Variants in ST7 observed in about 807,000 individuals in gnomAD.
ST7 encodes suppressor of tumorigenicity 7 protein.
In ST7, 28 loss-of-function variants were observed where a neutral mutation model predicts 78.7. That is an observed-to-expected ratio of 0.36 (90% CI 0.26 to 0.49). The LOEUF is 0.49. ST7 is among the 20% of genes least tolerant of loss of function. The pLI is 0.99. For missense variants in ST7, 418 were observed against 696.0 expected (o/e 0.60, Z 4.49); for synonymous variants, 247 against 249.6 (o/e 0.99, Z 0.10).
At chr7:117,176,764 T>C (rs956754372) in intron 10 of ST7, among the ~76,000 whole-genome samples, 3 of 152,186 alleles carry the variant, frequency 2.0e-5, no homozygotes, top group Non-Finnish European at 4.4e-5. Flanking sequence ...TGTCAGTATG[T>C]CCATACTTCC....
At chr7:117,191,040 G>A in intron 12 of ST7, 104 bp downstream of exon 12, 1 of 904,670 alleles carries the variant, frequency 1.1e-6, no homozygotes. Context: ...AAAATGAATT[G>A]CAACCAACAA....
chr7:117,202,460 C>T (rs949365518), intron 12 of ST7, among the ~76,000 whole-genome samples: 1 of 152,174 alleles, frequency 6.6e-6, no homozygotes, highest in Non-Finnish European at 1.5e-5. Flanking sequence ...GCCTCTTCCT[C>T]CTTTGGTGTC....
chr7:117,164,941 T>C (rs1320371627), intron 9 of ST7, among the ~76,000 whole-genome samples: 1 of 152,086 alleles, frequency 6.6e-6, no homozygotes, highest in Non-Finnish European at 1.5e-5. Context: ...CTTTCTATGA[T>C]GCTGTGACTT....
chr7:117,192,170 G>T (rs965342658), intron 12 of ST7, among the ~76,000 whole-genome samples: 7 of 152,152 alleles, frequency 4.6e-5, no homozygotes, highest in African/African-American at 1.7e-4. Context: ...AGATAAAAAT[G>T]TTTATTCCAC....
chr7:116,973,911 A>G (rs946461845), intron 1 of ST7, among the ~76,000 whole-genome samples: 1 of 152,214 alleles, frequency 6.6e-6, no homozygotes, highest in South Asian at 2.1e-4. Context: ...ACCTCTTTAC[A>G]CATGTATTTG....
intron 2 of ST7, among the ~76,000 whole-genome samples, chr7:117,108,150 A>G (rs1176963897): frequency 6.6e-6 from 1 of 151,958 alleles, no homozygotes; most frequent in Non-Finnish European, 1.5e-5. Context: ...GTTCTTGTTC[A>G]TGAAGTCTTT....
intron 15 of ST7, chr7:117,223,092 T>C: frequency 1.4e-6 from 1 of 726,214 alleles, no homozygotes; most frequent in Non-Finnish European, 2.4e-6. Context: ...TCCAAACTCT[T>C]CCCTCTCTCA....
intron 1 of ST7, among the ~76,000 whole-genome samples, chr7:117,024,781 CACAT>C (rs1440827663): frequency 2.6e-5 from 4 of 152,144 alleles, no homozygotes; most frequent in Non-Finnish European, 5.9e-5. Context: ...GGCTGGTCCA[CACAT>C]ACTCCCTGCC....
chr7:117,073,784 A>T (rs1425308631), intron 1 of ST7: 1 of 152,214 alleles, frequency 6.6e-6, no homozygotes, highest in Non-Finnish European at 1.5e-5. Flanking sequence ...AGCCCTATAA[A>T]TGTTTGTTAA....
intron 10 of ST7, among the ~76,000 whole-genome samples, chr7:117,175,457 A>G (rs153016): frequency 0.13 from 19,186 of 152,168 alleles, 2,269 homozygotes; most frequent in African/African-American, 0.31. Flanking sequence ...GCAAGCGAAC[A>G]CAGGTCTGAG....
intron 1 of ST7, among the ~76,000 whole-genome samples, chr7:116,969,182 C>T (rs1793292408): frequency 6.6e-6 from 1 of 152,128 alleles, no homozygotes; most frequent in Non-Finnish European, 1.5e-5. Flanking sequence ...TGAGGAGTAT[C>T]ATATCTCCCT....
chr7:117,044,476 A>G (rs947186713), intron 1 of ST7, among the ~76,000 whole-genome samples: 3 of 152,132 alleles, frequency 2.0e-5, no homozygotes, highest in African/African-American at 7.2e-5. Context: ...CCTCCCGAGT[A>G]CCTGGGAGTA....
chr7:116,998,400 C>T (rs761370270), intron 1 of ST7, among the ~76,000 whole-genome samples: 1 of 152,218 alleles, frequency 6.6e-6, no homozygotes, highest in Non-Finnish European at 1.5e-5. Context: ...CCCCGCAAGC[C>T]GAGGGAGCTG....
intron 9 of ST7, among the ~76,000 whole-genome samples, chr7:117,162,250 T>C (rs998066437): frequency 6.6e-6 from 1 of 152,090 alleles, no homozygotes; most frequent in African/African-American, 2.4e-5. Context: ...TCCTGATGCC[T>C]AGCATATGGC....
intron 1 of ST7, among the ~76,000 whole-genome samples, chr7:117,018,071 C>G (rs1297265389): frequency 6.6e-6 from 1 of 152,170 alleles, no homozygotes; most frequent in Non-Finnish European, 1.5e-5. Flanking sequence ...TACACACCCT[C>G]TCATGTATGA....
At chr7:117,005,582 C>T (rs542256340) in intron 1 of ST7, among the ~76,000 whole-genome samples, 99 of 152,268 alleles carry the variant, frequency 6.5e-4, no homozygotes, top group Admixed American at 2.1e-3. Context: ...GTTTCTTCTT[C>T]GCCTGTCACA....
At chr7:116,975,647 A>G (rs1030076669) in intron 1 of ST7, among the ~76,000 whole-genome samples, 2 of 151,000 alleles carry the variant, frequency 1.3e-5, no homozygotes, top group Admixed American at 6.6e-5. Context: ...ACCTCAAGTG[A>G]TCTGCCTGCC....
chr7:117,070,587 G>A (rs932241171), intron 1 of ST7, among the ~76,000 whole-genome samples: 4 of 152,072 alleles, frequency 2.6e-5, no homozygotes, highest in African/African-American at 9.7e-5. Flanking sequence ...TATCGCCCAG[G>A]CTGGATGCAG....
intron 1 of ST7, among the ~76,000 whole-genome samples, chr7:117,032,661 C>T (rs945638951): frequency 6.6e-6 from 1 of 152,068 alleles, no homozygotes; most frequent in Admixed American, 6.5e-5. Flanking sequence ...AAACTTGAAG[C>T]CATGTTTGAT....
Sources: gnomAD v4.1 joint callset for allele counts (sites outside exome capture counted in the v4.1 genomes callset) on GRCh38, gnomAD v4.1.1 for gene constraint, MANE v1.5 for transcripts, NCBI Gene and HGNC (gene_info 2026-07-23, HGNC 2026-07-21) for gene names.